The following TLN1 variants were observed in gnomAD, a reference collection of about 807,000 sequenced individuals.
TLN1 encodes the protein talin 1, also known as talin-1.
In TLN1, 56 loss-of-function variants were observed where a neutral mutation model predicts 292.3. That is an observed-to-expected ratio of 0.19 (90% CI 0.15 to 0.24). The LOEUF (loss-of-function observed/expected upper bound fraction) is 0.24, where lower values mean the gene tolerates loss of function less well. Ranked by LOEUF, TLN1 falls within the 10% of genes least tolerant of loss-of-function variation. TLN1 has a pLI of 1.00. For missense variants in TLN1, 2,433 were observed against 3,248.2 expected, an observed-to-expected ratio of 0.75 and a Z score of 6.10; for synonymous variants, 1,119 against 1,253.7, an observed-to-expected ratio of 0.89 and a Z score of 2.27.
chr9:35,719,474 A>T lies in TLN1; in HGVS notation c.1687+45T>A. Reference sequence around the variant, plus strand: ...CACATGCATGCCTGTGCACACTTGCACCCCCTCTCCCCATCACACACCCGG... The same window carrying T: ...CACATGCATGCCTGTGCACACTTGCTCCCCCTCTCCCCATCACACACCCGG... On this transcript the variant is annotated intron_variant, in intron 15 of 56. Transcript: ENST00000314888. The surrounding 1 kb of genome is among the most constrained non-coding windows in gnomAD (Gnocchi z 4.6). 6.4e-7 allele frequency: 1 copy of T among 1,550,892 alleles called. No individual in the cohort carries two copies.
intron 8 of TLN1, 96 bp downstream of exon 8, chr9:35,722,763 TAG>T (rs1825899259): frequency 1.6e-6 from 2 of 1,278,652 alleles, no homozygotes; most frequent in African/African-American, 2.9e-5. Flanking sequence ...AAAGCCAAGT[TAG>T]GGGAGACGGG....
chr9:35,698,998 G>T lies in TLN1; in HGVS notation c.6999+34C>A. On this transcript the variant is annotated intron_variant, in intron 52 of 56. Coordinates refer to ENST00000314888, the MANE Select transcript of TLN1 (RefSeq NM_006289.4). The surrounding 1 kb of genome is among the most constrained non-coding windows in gnomAD (Gnocchi z 5.3). Reference sequence around the variant, plus strand: ...GAGATGAAGGTGGGGACACTGCCATGGTGAGGGTGGAAGAGGAAGGGAGCA... The same window carrying T: ...GAGATGAAGGTGGGGACACTGCCATTGTGAGGGTGGAAGAGGAAGGGAGCA... 6.2e-7 allele frequency: 1 copy of T among 1,608,766 alleles called. No individual in the cohort carries two copies. The highest frequency in any genetic ancestry group is 8.5e-7 in the Non-Finnish European group (1 of 1,175,526).
At chr9:35,708,090 C>G (rs1043292125) in intron 34 of TLN1, 198 bp from the exon 35 acceptor site, 1 of 724,058 alleles carries the variant, frequency 1.4e-6, no homozygotes, top group African/African-American at 1.8e-5. Context: ...GAAAGACATA[C>G]TAATGGAGAA....
At position 35,706,323 on chromosome 9, in the gene TLN1, G is replaced by A; in HGVS notation, c.5234C>T (p.Ala1745Val). The A allele has an allele frequency of 6.2e-7, 1 of 1,612,992 alleles. No individual in the cohort carries two copies. Among genetic ancestry groups the A allele is most frequent in the Non-Finnish European group, 8.5e-7 (1 of 1,179,350 alleles). ...AQYFEPLTLA[A>V]VGAASKTLSH... ...CAGGGTCTTGGAGGCAGCACCCACT[G>A]CAGCCAGGGTGAGCGGCTCAAAGTA... The change falls in exon 40 of 57, where the codon GCA (alanine) becomes GTA (valine). Residue 1745 changes from alanine to valine, a missense_variant. This residue lies in a region of TLN1 where 1,384 missense variants were observed against 1,699.6 expected (regional missense o/e 0.81). Coordinates refer to ENST00000314888, the MANE Select transcript of TLN1 (RefSeq NM_006289.4). This position sits in a 1 kb window ranked among gnomAD's most constrained non-coding sequence, Gnocchi z 4.2.
rs1825379123 is a variant in TLN1, at chr9:35,697,014, T to C, written c.*777A>G. On this transcript the variant is annotated 3_prime_UTR_variant, in exon 57 of 57. Coordinates refer to ENST00000314888, the MANE Select transcript of TLN1 (RefSeq NM_006289.4). Reference sequence around the variant, plus strand: ...AAGGACTGGATTTGTTGACATACCCTGAGTAGCTATGAAGAACAGAATGTC... The same window carrying C: ...AAGGACTGGATTTGTTGACATACCCCGAGTAGCTATGAAGAACAGAATGTC... 6.6e-6 allele frequency: 1 copy of C among 152,222 alleles called. No homozygotes were observed. The highest frequency in any genetic ancestry group is 1.5e-5 in the Non-Finnish European group (1 of 68,042). 9.4% of individuals were successfully genotyped at this position (152,222 alleles called of 1,614,324 possible).
Position 35,704,435 on chromosome 9 carries a change from C to T in TLN1, c.5944G>A (p.Ala1982Thr), listed in dbSNP as rs1223894509. ...GCAATGATACCAGACACAGCGCTGG[C>T]TGCTGTGATGCAGGCCTGGGTGCCA... ...NRGTQACITA[A>T]SAVSGIIADL... Residue 1982 changes from alanine (A) to threonine (T), a missense_variant, in exon 45 of 57, where the codon GCC becomes ACC. By Grantham distance (58) the Ala-to-Thr change is moderately conservative. This residue lies in a region of TLN1 where 1,384 missense variants were observed against 1,699.6 expected (regional missense o/e 0.81). Transcript: ENST00000314888. The surrounding 1 kb of genome is among the most constrained non-coding windows in gnomAD (Gnocchi z 6.9). 6 of 1,614,066 alleles carry T rather than the reference C, an allele frequency of 3.7e-6. No individual in the cohort carries two copies. Among genetic ancestry groups the T allele is most frequent in the Non-Finnish European group, 2.5e-6 (3 of 1,180,028 alleles).
At position 35,719,034 on chromosome 9, in the gene TLN1, A is replaced by G. The variant is rs1247911493; in HGVS notation, c.1896+40T>C. 5 of 1,600,790 alleles carry G rather than the reference A, an allele frequency of 3.1e-6. No homozygotes were observed. Among genetic ancestry groups the G allele is most frequent in the Admixed American group, 3.4e-5 (2 of 59,620 alleles). The stretch of plus-strand genomic sequence containing the variant: ...GGACTGCCCCTTCTCCTTGGGCTTG[A>G]ACCCTGTCTCCACCCTAACCCAAAC... On this transcript the variant is annotated intron_variant, in intron 16 of 56. Transcript: ENST00000314888. The surrounding 1 kb of genome is among the most constrained non-coding windows in gnomAD (Gnocchi z 4.6).
intron 1 of TLN1, among the ~76,000 whole-genome samples, chr9:35,726,922 A>G (rs79285290): frequency 4.7e-4 from 72 of 151,712 alleles, no homozygotes; most frequent in African/African-American, 1.7e-3. Flanking sequence ...CAGTCCTGCA[A>G]CTCCTCCCAT....
chr9:35,724,462 T>C lies in TLN1; in HGVS notation c.511+110A>G, dbSNP rs1825933287. On this transcript the variant is annotated intron_variant, in intron 5 of 56. Transcript: ENST00000314888. This position sits in a 1 kb window ranked among gnomAD's most constrained non-coding sequence, Gnocchi z 4.7. Reference sequence around the variant, plus strand: ...GTCCCATGAGTGTAGGACTTTGTTTTCTCACTGATGTATCCCCAGGGTGTA... The same window carrying C: ...GTCCCATGAGTGTAGGACTTTGTTTCCTCACTGATGTATCCCCAGGGTGTA... 9.6e-6 allele frequency: 15 copies of C among 1,560,788 alleles called. No homozygotes were observed. Among genetic ancestry groups the C allele is most frequent in the East Asian group, 2.2e-5 (1 of 44,462 alleles).
In TLN1 at chr9:35,719,202, C is replaced by A. The variant is rs749136653; in HGVS notation, c.1768G>T (p.Gly590Trp). The change falls in exon 16 of 57, where the codon GGG becomes TGG. Residue 590 changes from glycine to tryptophan, a missense_variant. Around this residue, in one of 7 missense-constraint regions of TLN1, gnomAD observed 617 missense variants for 770.6 expected, o/e 0.80. Coordinates refer to ENST00000314888, the MANE Select transcript of TLN1 (RefSeq NM_006289.4). This position sits in a 1 kb window ranked among gnomAD's most constrained non-coding sequence, Gnocchi z 4.6. Reference protein sequence around the residue: ...ISSNLTEMSRGVKLLAALLED... With the variant: ...ISSNLTEMSRWVKLLAALLED... ...AGCAAGGCAGCCAGCAGCTTCACCC[C>A]ACGGGACATCTCCGTCAGGTTGGAG... The A allele has an allele frequency of 2.5e-6, 4 of 1,614,130 alleles. No homozygotes were observed. The highest frequency in any genetic ancestry group is 3.4e-6 in the Non-Finnish European group (4 of 1,180,046).
intron 11 of TLN1, 120 bp from the exon 12 acceptor site, chr9:35,720,629 C>CA: frequency 1.2e-6 from 1 of 833,104 alleles, no homozygotes; most frequent in South Asian, 1.8e-5. Flanking sequence ...ATTTCTTTTT[C>CA]TTTTTTTTTT....
At position 35,707,939 on chromosome 9, in the gene TLN1, T is replaced by TA. The variant is rs1563940857; in HGVS notation, c.4471-48dup. 6.3e-7 allele frequency: 1 copy of TA among 1,599,956 alleles called. No individual in the cohort carries two copies. Among genetic ancestry groups the TA allele is most frequent in the East Asian group, 2.2e-5 (1 of 44,552 alleles). On this transcript the variant is annotated intron_variant, in intron 34 of 56. Transcript: ENST00000314888. The surrounding 1 kb of genome is among the most constrained non-coding windows in gnomAD (Gnocchi z 5.6). ...CCACGATGAGGGCAGGAAGGAGGTG[T>TA]ACATACCCAAGGAGGAGCCATTTTA...
At chr9:35,711,523 A>C (rs761193289) in intron 29 of TLN1, 72 bp downstream of exon 29, 1 of 1,609,010 alleles carries the variant, frequency 6.2e-7, no homozygotes, top group Non-Finnish European at 8.5e-7. Context: ...GCAAGTCAGG[A>C]CTGGTCACTC....
At position 35,724,818 on chromosome 9, in the gene TLN1, A is replaced by C; in HGVS notation, c.358+12T>G. 6.2e-7 allele frequency: 1 copy of C among 1,614,162 alleles called. No homozygotes were observed. Among genetic ancestry groups the C allele is most frequent in the South Asian group, 1.1e-5 (1 of 91,082 alleles). On this transcript the variant is annotated intron_variant, in intron 4 of 56. Transcript: ENST00000314888. The surrounding 1 kb of genome is among the most constrained non-coding windows in gnomAD (Gnocchi z 4.7). Reference sequence around the variant, plus strand: ...TCTGGCCCAGGCTTTCAACTGTACTAGGGCCCCTTACCAATGCGGGCACAG... The same window carrying C: ...TCTGGCCCAGGCTTTCAACTGTACTCGGGCCCCTTACCAATGCGGGCACAG...
rs371409952 is a variant in TLN1 at position 35,711,055 on chromosome 9, G to A, written c.4047C>T (p.Leu1349=). 1 of 1,614,226 alleles carries A rather than the reference G, an allele frequency of 6.2e-7. No individual in the cohort carries two copies. The highest frequency in any genetic ancestry group is 8.5e-7 in the Non-Finnish European group (1 of 1,180,040). ...ARAVTDSINQ[L]ITMCTQQAPG... is the part of the protein sequence containing the mutation. ...GTGCCTGCTGGGTGCACATAGTGAT[G>A]AGCTGATTGATGCTGTCAGTTACTG... The change falls in exon 31 of 57, where the codon CTC becomes CTT. Residue 1349 remains leucine, a synonymous_variant. Coordinates refer to ENST00000314888, the MANE Select transcript of TLN1 (RefSeq NM_006289.4).
Position 35,719,393 on chromosome 9 carries a change from G to GCA in TLN1, c.1688-113_1688-112dup. On this transcript the variant is annotated intron_variant, in intron 15 of 56. Coordinates refer to ENST00000314888, the MANE Select transcript of TLN1 (RefSeq NM_006289.4). This position sits in a 1 kb window ranked among gnomAD's most constrained non-coding sequence, Gnocchi z 4.6. Reference sequence around the variant, plus strand: ...GTCACACACATGTCCACAGAAAGACGCACACACACAGTCCCTTCCACAGTG... The same window carrying GCA: ...GTCACACACATGTCCACAGAAAGACGCACACACACACAGTCCCTTCCACAGTG... The GCA allele has an allele frequency of 1.5e-6, 2 of 1,339,864 alleles. No individual in the cohort carries two copies. The highest frequency in any genetic ancestry group is 2.1e-6 in the Non-Finnish European group (2 of 938,282). 83.0% of individuals were successfully genotyped at this position (1,339,864 alleles called of 1,614,324 possible).
Position 35,698,167 on chromosome 9 carries a change from A to G in TLN1, c.7377T>C (p.Ala2459=), listed in dbSNP as rs1476563268. Residue 2459 remains alanine (A), a synonymous_variant, in exon 56 of 57, where the codon GCT becomes GCC. Transcript: ENST00000314888. The surrounding 1 kb of genome is among the most constrained non-coding windows in gnomAD (Gnocchi z 5.3). ...DSEAMKRLQA[A]GNAVKRASDN... ...CTGAGGCTCGCTTCACTGCGTTGCCAGCAGCCTGGGCAGAGAGAAAGTGGC... is the reference window on the plus strand; with the variant it reads ...CTGAGGCTCGCTTCACTGCGTTGCCGGCAGCCTGGGCAGAGAGAAAGTGGC... 1 of 1,613,926 alleles carries G rather than the reference A, an allele frequency of 6.2e-7. No individual in the cohort carries two copies. The highest frequency in any genetic ancestry group is 2.2e-5 in the East Asian group (1 of 44,886).
In TLN1 at chr9:35,721,806, A is replaced by G. The variant is rs988981629; in HGVS notation, c.949-3T>C. The G allele has an allele frequency of 8.7e-6, 14 of 1,607,550 alleles. No individual in the cohort carries two copies. The highest frequency in any genetic ancestry group is 4.0e-5 in the African/African-American group (3 of 74,732). On this transcript the variant is annotated splice_region_variant and splice_polypyrimidine_tract_variant and intron_variant, in intron 9 of 56. Coordinates refer to ENST00000314888, the MANE Select transcript of TLN1 (RefSeq NM_006289.4). ...TTGTTCTTCCCTTTCATTTTTTCCT[A>G]TGAGGCAGAGGTTGGTGTTGGTGTT...
Position 35,731,680 on chromosome 9 carries a change from A to C in TLN1, c.-34+395T>G, listed in dbSNP as rs138442757. Reference sequence around the variant, plus strand: ...TACCTATCTAAAACGGACCTGACTCACACTAACTCTTAAGTTTTAACCCCA... The same window carrying C: ...TACCTATCTAAAACGGACCTGACTCCCACTAACTCTTAAGTTTTAACCCCA... On this transcript the variant is annotated intron_variant, in intron 1 of 56. Transcript: ENST00000314888. Among the ~76,000 whole-genome samples the C allele has an allele frequency of 3.3e-3, 497 of 152,260 alleles. 3 individuals are homozygous for C. The highest frequency in any genetic ancestry group is 0.011 in the African/African-American group (470 of 41,544).
Sources: gnomAD v4.1 joint callset for allele counts (sites outside exome capture counted in the v4.1 genomes callset) on GRCh38, gnomAD v4.1.1 for gene constraint, gnomAD v4.1.1 regional missense constraint, Gnocchi (gnomAD v3.1) non-coding constraint, MANE v1.5 for transcripts, NCBI Gene and HGNC (gene_info 2026-07-23, HGNC 2026-07-21) for gene names.